Variants in SORCS1 observed in about 807,000 individuals in gnomAD.
The protein encoded by SORCS1 is sortilin related VPS10 domain containing receptor 1.
SORCS1 carries 60 observed loss-of-function variants against 146.1 expected under a neutral mutation model. The ratio of observed to expected loss-of-function variants is 0.41; its 90% confidence interval spans 0.33 to 0.51. The LOEUF (loss-of-function observed/expected upper bound fraction) is 0.51, where lower values mean the gene tolerates loss of function less well. SORCS1 is among the 20% of genes least tolerant of loss of function. The probability of loss-of-function intolerance (pLI) is 0.21; values close to 1 mark genes in which losing one functional copy is unlikely to be tolerated. For missense variants in SORCS1, 1,352 were observed against 1,487.6 expected, an observed-to-expected ratio of 0.91 and a Z score of 1.50; for synonymous variants, 637 against 584.0, an observed-to-expected ratio of 1.09 and a Z score of -1.31.
intron 9 of SORCS1, among the ~76,000 whole-genome samples, chr10:106,691,729 C>CA (rs892742621): frequency 2.6e-5 from 4 of 152,210 alleles, no homozygotes; most frequent in Admixed American, 2.0e-4. Flanking sequence ...AAACCTTTTC[C>CA]AAAAACCAGG....
In SORCS1 at chr10:106,740,292, A is replaced by G. The variant is rs1857276362; in HGVS notation, c.960-10178T>C. Among the ~76,000 whole-genome samples the G allele has an allele frequency of 2.0e-5, 3 of 152,202 alleles. No homozygotes were observed. The South Asian group carries it at 6.2e-4, about 32-fold the overall frequency. On this transcript the variant is annotated intron_variant, in intron 5 of 25. Coordinates refer to ENST00000263054, the MANE Select transcript of SORCS1 (RefSeq NM_052918.5). ...AGGGTGTGGGTGCAGGTAAGTCACC[A>G]TGGAGACTGTTGCTCTAAACTGAGG... is the stretch of plus-strand genomic sequence containing the variant.
chr10:106,992,267 T>C (rs887059128), intron 1 of SORCS1, among the ~76,000 whole-genome samples: 2 of 152,160 alleles, frequency 1.3e-5, no homozygotes, highest in African/African-American at 4.8e-5. Flanking sequence ...GTGCTCAGAC[T>C]TCCTCTCCTA....
intron 2 of SORCS1, among the ~76,000 whole-genome samples, chr10:106,850,661 A>T (rs1456834659): frequency 6.6e-6 from 1 of 152,162 alleles, no homozygotes; most frequent in Non-Finnish European, 1.5e-5. Flanking sequence ...GACACCCAAG[A>T]GCCTCTATTT....
At chr10:106,626,550 G>C (rs1221080504) in intron 19 of SORCS1, among the ~76,000 whole-genome samples, 1 of 152,164 alleles carries the variant, frequency 6.6e-6, no homozygotes, top group Non-Finnish European at 1.5e-5. Flanking sequence ...AGATGCCTGA[G>C]AGTGTGACTC....
intron 23 of SORCS1, among the ~76,000 whole-genome samples, chr10:106,602,809 A>C (rs1280310801): frequency 2.6e-5 from 4 of 152,190 alleles, no homozygotes; most frequent in Non-Finnish European, 5.9e-5. Flanking sequence ...CCAAGTTAAA[A>C]AGATCTGGAC....
chr10:106,944,095 C>G (rs1437021368), intron 2 of SORCS1, among the ~76,000 whole-genome samples: 1 of 152,192 alleles, frequency 6.6e-6, no homozygotes, highest in Non-Finnish European at 1.5e-5. Context: ...CTTCTCATCT[C>G]TTACTTCTTG....
intron 18 of SORCS1, among the ~76,000 whole-genome samples, chr10:106,637,598 T>C (rs1475368461): frequency 1.3e-5 from 2 of 152,156 alleles, no homozygotes; most frequent in Admixed American, 6.6e-5. Context: ...GTGAAGAGGA[T>C]AGTGCAGAAG....
Position 106,677,363 on chromosome 10 carries a change from A to G in SORCS1, c.1782T>C (p.Gly594=), listed in dbSNP as rs772034657. Residue 594 remains glycine, a synonymous_variant, in exon 13 of 26, where the codon GGT becomes GGC. Coordinates refer to ENST00000263054, the MANE Select transcript of SORCS1 (RefSeq NM_052918.5). The part of the protein sequence containing the change: ...EEHSVLYLDQ[G]GVLVAMKHTS... ...TGTGTTTCATAGCAACCAGGACTCCACCTTGATCCAGGTACAAAACACTGT... is the reference window on the plus strand; with the variant it reads ...TGTGTTTCATAGCAACCAGGACTCCGCCTTGATCCAGGTACAAAACACTGT... The G allele has an allele frequency of 1.2e-6, 2 of 1,614,004 alleles. No individual in the cohort carries two copies. The highest frequency in any genetic ancestry group is 1.7e-6 in the Non-Finnish European group (2 of 1,179,894).
intron 1 of SORCS1, among the ~76,000 whole-genome samples, chr10:106,995,896 GAGA>G (rs761320796): frequency 2.0e-4 from 30 of 152,042 alleles, no homozygotes; most frequent in Non-Finnish European, 4.0e-4. Flanking sequence ...CCAGTCAAAG[GAGA>G]AGTTCAAAAA....
chr10:106,636,855 C>T (rs149333741), intron 18 of SORCS1, among the ~76,000 whole-genome samples: 60 of 152,318 alleles, frequency 3.9e-4, no homozygotes, highest in Non-Finnish European at 4.1e-4. Flanking sequence ...TCTTACAACT[C>T]GTTCACAGAA....
At chr10:107,068,446 A>T (rs1962112641) in intron 1 of SORCS1, among the ~76,000 whole-genome samples, 1 of 152,212 alleles carries the variant, frequency 6.6e-6, no homozygotes. Context: ...ACCAGGAACC[A>T]GGTACTAACA....
chr10:106,764,597 A>G (rs897203461), intron 4 of SORCS1, among the ~76,000 whole-genome samples: 2 of 152,200 alleles, frequency 1.3e-5, no homozygotes, highest in African/African-American at 4.8e-5. Flanking sequence ...CACATCAGAG[A>G]AAGCAGCAGC....
At chr10:106,619,284 A>G (rs1198123574) in intron 20 of SORCS1, among the ~76,000 whole-genome samples, 1 of 152,206 alleles carries the variant, frequency 6.6e-6, no homozygotes, top group Non-Finnish European at 1.5e-5. Flanking sequence ...TCACACACAT[A>G]GTTTCAGGTG....
At chr10:106,750,678 G>A (rs1246302032) in intron 5 of SORCS1, among the ~76,000 whole-genome samples, 1 of 121,336 alleles carries the variant, frequency 8.2e-6, no homozygotes, top group Non-Finnish European at 1.6e-5. Context: ...GCAGTGAGCC[G>A]AGATCGCACC....
chr10:106,668,814 C>T (rs541572664), intron 16 of SORCS1, among the ~76,000 whole-genome samples: 1 of 152,264 alleles, frequency 6.6e-6, no homozygotes, highest in East Asian at 1.9e-4. Flanking sequence ...CAGGAAGTTA[C>T]TTTACGAATG....
intron 1 of SORCS1, among the ~76,000 whole-genome samples, chr10:107,036,185 C>A (rs1958899024): frequency 6.7e-6 from 1 of 148,198 alleles, no homozygotes; most frequent in South Asian, 2.1e-4. Flanking sequence ...GTTATTAGAT[C>A]CTTTCATTTT....
chr10:106,718,105 A>T (rs935359518), intron 6 of SORCS1, among the ~76,000 whole-genome samples: 3 of 152,230 alleles, frequency 2.0e-5, no homozygotes, highest in Admixed American at 6.5e-5. Flanking sequence ...GATGACAAGG[A>T]TAACTCATTA....
At chr10:106,814,461 T>C (rs913867325) in intron 3 of SORCS1, among the ~76,000 whole-genome samples, 5 of 152,220 alleles carry the variant, frequency 3.3e-5, no homozygotes, top group Non-Finnish European at 5.9e-5. Flanking sequence ...ATCGGGGTTC[T>C]AGTTAAAGGC....
chr10:106,999,126 T>C (rs545399636), intron 1 of SORCS1, among the ~76,000 whole-genome samples: 2 of 152,106 alleles, frequency 1.3e-5, no homozygotes, highest in Non-Finnish European at 2.9e-5. Flanking sequence ...TAGATTTACG[T>C]AATTCAGGTT....
Sources: allele counts gnomAD v4.1 joint callset (sites outside exome capture counted in the v4.1 genomes callset), GRCh38; gene constraint gnomAD v4.1.1; transcripts MANE v1.5; gene names NCBI Gene and HGNC (gene_info 2026-07-23, HGNC 2026-07-21).